CDH4: variants seen among roughly 807,000 people sequenced by gnomAD.
CDH4 encodes the protein cadherin 4.
In CDH4, 33 loss-of-function variants were observed where a neutral mutation model predicts 86.0. The ratio of observed to expected loss-of-function variants is 0.38; its 90% CI spans 0.29 to 0.51. The LOEUF (loss-of-function observed/expected upper bound fraction) is 0.51, where lower values mean the gene tolerates loss of function less well. Ranked by LOEUF, CDH4 falls within the 20% of genes least tolerant of loss-of-function variation. The pLI, the probability that CDH4 is intolerant of heterozygous loss-of-function variation, is 0.86. For missense variants in CDH4, 1,114 were observed against 1,307.4 expected, an observed-to-expected ratio of 0.85 and a Z score of 2.28; for synonymous variants, 555 against 549.4, an observed-to-expected ratio of 1.01 and a Z score of -0.14.
chr20:61,704,047 G>T (rs1052086462), intron 2 of CDH4, among the ~76,000 whole-genome samples: 1 of 151,916 alleles, frequency 6.6e-6, no homozygotes, highest in Admixed American at 6.6e-5. Flanking sequence ...GGCCTCGAGC[G>T]CTCTTGGCTG....
At chr20:61,835,962 G>A (rs1227145259) in intron 4 of CDH4, among the ~76,000 whole-genome samples, 2 of 152,238 alleles carry the variant, frequency 1.3e-5, no homozygotes, top group South Asian at 2.1e-4. Context: ...GACCCTGCCA[G>A]AAGGACCCTG....
intron 2 of CDH4, among the ~76,000 whole-genome samples, chr20:61,389,484 T>C (rs1474992982): frequency 1.3e-5 from 2 of 152,210 alleles, no homozygotes; most frequent in African/African-American, 4.8e-5. Flanking sequence ...GTAGGTGCTT[T>C]AGATATTTGT....
intron 2 of CDH4, among the ~76,000 whole-genome samples, chr20:61,379,739 T>C (rs1462740290): frequency 6.6e-6 from 1 of 152,206 alleles, no homozygotes; most frequent in Non-Finnish European, 1.5e-5. Context: ...TCTTTCCTGT[T>C]CCCACGGTTT....
Position 61,909,938 on chromosome 20 carries a change from G to A in CDH4, c.1189-484G>A, listed in dbSNP as rs369049445. Among the ~76,000 whole-genome samples the A allele has an allele frequency of 6.6e-5, 10 of 152,248 alleles. No homozygotes were observed. In the South Asian group the frequency reaches 8.3e-4, roughly 13 times the overall value. ...AAAAGAAGTGCCCATTGTTGAAGCC[G>A]CTCCATCAGTGGCCCTCTGCCGTGG... On this transcript the variant is annotated intron_variant, in intron 8 of 15. Transcript: ENST00000614565.
Position 61,612,092 on chromosome 20 carries a change from T to A in CDH4, c.170-131471T>A, listed in dbSNP as rs189381904. On this transcript the variant is annotated intron_variant, in intron 2 of 15. Coordinates refer to ENST00000614565, the MANE Select transcript of CDH4 (RefSeq NM_001794.5). ...CTAGTACAATTATGGAATTTAAAAA[T>A]TTTTTTTGAGTCATAAAAATGTGCA... is the stretch of plus-strand genomic sequence containing the variant. Among the ~76,000 whole-genome samples, 421 of 151,118 alleles carry A rather than the reference T, an allele frequency of 2.8e-3. 9 individuals carry two copies. Among genetic ancestry groups the A allele is most frequent in the African/African-American group, 1.0e-2 (404 of 40,516 alleles).
At chr20:61,936,281 A>AC (rs1159786522) in intron 15 of CDH4, among the ~76,000 whole-genome samples, 11 of 17,744 alleles carry the variant, frequency 6.2e-4, no homozygotes, top group Admixed American at 2.2e-3. Flanking sequence ...CCTCTCCCAC[A>AC]CCCCCCTGCC....
intron 5 of CDH4, among the ~76,000 whole-genome samples, chr20:61,845,463 G>C (rs1190305125): frequency 2.0e-5 from 3 of 152,184 alleles, no homozygotes; most frequent in Non-Finnish European, 4.4e-5. Flanking sequence ...GCCGAGAGGA[G>C]GGGGCCTGGG....
At chr20:61,427,370 C>T (rs1055683819) in intron 2 of CDH4, among the ~76,000 whole-genome samples, 1 of 152,184 alleles carries the variant, frequency 6.6e-6, no homozygotes, top group Non-Finnish European at 1.5e-5. Flanking sequence ...CTGCCAAAGG[C>T]CAGAGGCATT....
At chr20:61,305,737 G>A (rs1204089361) in intron 2 of CDH4, among the ~76,000 whole-genome samples, 2 of 152,168 alleles carry the variant, frequency 1.3e-5, no homozygotes, top group African/African-American at 4.8e-5. Context: ...ATCGAAGGGA[G>A]CCACCTTGAT....
At chr20:61,658,487 G>C (rs1244901445) in intron 2 of CDH4, among the ~76,000 whole-genome samples, 1 of 152,212 alleles carries the variant, frequency 6.6e-6, no homozygotes, top group African/African-American at 2.4e-5. Context: ...ATAGGCTCCG[G>C]GTGGGATGAG....
chr20:61,660,381 TAGAC>T (rs759119994), intron 2 of CDH4, among the ~76,000 whole-genome samples: 17 of 152,340 alleles, frequency 1.1e-4, no homozygotes, highest in African/African-American at 3.4e-4. Context: ...TCAGACATAT[TAGAC>T]AGAAGTCAGT....
intron 2 of CDH4, among the ~76,000 whole-genome samples, chr20:61,481,885 C>A (rs1049412446): frequency 1.3e-5 from 2 of 152,136 alleles, no homozygotes; most frequent in African/African-American, 2.4e-5. Context: ...AAATATTCCC[C>A]CATAGCATAT....
intron 2 of CDH4, among the ~76,000 whole-genome samples, chr20:61,416,332 A>ATC (rs1486910531): frequency 6.6e-6 from 1 of 152,144 alleles, no homozygotes; most frequent in Non-Finnish European, 1.5e-5. Flanking sequence ...GTAACATTCC[A>ATC]TCATAGGGTA....
chr20:61,930,755 C>G (rs961955824), intron 13 of CDH4, among the ~76,000 whole-genome samples: 1 of 152,220 alleles, frequency 6.6e-6, no homozygotes, highest in African/African-American at 2.4e-5. Context: ...TTTTGAAAGC[C>G]GTTCAGTGTC....
chr20:61,292,924 A>G (rs1040383248), intron 2 of CDH4, among the ~76,000 whole-genome samples: 52 of 152,230 alleles, frequency 3.4e-4, no homozygotes, highest in African/African-American at 1.1e-3. Context: ...AAGCCCCACA[A>G]GGCAGGCAGT....
chr20:61,271,533 C>T (rs950326812), intron 2 of CDH4, among the ~76,000 whole-genome samples: 8 of 152,188 alleles, frequency 5.3e-5, no homozygotes, highest in Admixed American at 1.3e-4. Context: ...TGGGCTGGCA[C>T]GGAGCCACAG....
intron 2 of CDH4, among the ~76,000 whole-genome samples, chr20:61,552,651 G>T (rs1328835930): frequency 6.6e-6 from 1 of 152,170 alleles, no homozygotes; most frequent in Non-Finnish European, 1.5e-5. Flanking sequence ...AGTGAGCCAA[G>T]ATCATGCCAC....
chr20:61,578,131 G>A (rs773863918), intron 2 of CDH4, among the ~76,000 whole-genome samples: 17 of 152,124 alleles, frequency 1.1e-4, no homozygotes, highest in Non-Finnish European at 2.5e-4. Context: ...CTCTCTGCCA[G>A]CTGTCACCTG....
At chr20:61,613,587 G>A (rs973113377) in intron 2 of CDH4, among the ~76,000 whole-genome samples, 1 of 81,516 alleles carries the variant, frequency 1.2e-5, no homozygotes, top group Non-Finnish European at 2.6e-5. Flanking sequence ...TGGAAAAAAG[G>A]CTTCAAAAGA....
Sources: gnomAD v4.1 joint callset for allele counts (sites outside exome capture counted in the v4.1 genomes callset) on GRCh38, gnomAD v4.1.1 for gene constraint, MANE v1.5 for transcripts, NCBI Gene and HGNC (gene_info 2026-07-23, HGNC 2026-07-21) for gene names.